The following SPMAP1 variants were observed in gnomAD, a reference collection of about 807,000 sequenced individuals.
SPMAP1 encodes uncharacterized protein C17orf98.
chr17:38,837,537 G>A, the SPMAP1 span, among the ~76,000 whole-genome samples: 2 of 152,010 alleles, frequency 1.3e-5, no homozygotes, highest in Admixed American at 6.6e-5. Flanking sequence ...AATTAGCTGG[G>A]CATGATGGCA....
At chr17:38,841,408 G>T in the SPMAP1 span, 1 of 1,611,932 alleles carries the variant, frequency 6.2e-7, no homozygotes, top group Admixed American at 1.7e-5. Context: ...CCGTAGCCTC[G>T]GAGGGCCTTT....
At chr17:38,840,829 G>A in the SPMAP1 span, among the ~76,000 whole-genome samples, 1 of 150,832 alleles carries the variant, frequency 6.6e-6, no homozygotes, top group East Asian at 1.9e-4. Context: ...GTAACATGGC[G>A]AAACCCCGTC....
the SPMAP1 span, among the ~76,000 whole-genome samples, chr17:38,836,303 A>T: frequency 1.3e-5 from 2 of 151,274 alleles, no homozygotes; most frequent in Non-Finnish European, 2.9e-5. Context: ...CCATGGGGTT[A>T]GTGTGAGGGT....
the SPMAP1 span, among the ~76,000 whole-genome samples, chr17:38,836,113 A>C: frequency 1.1e-4 from 17 of 151,876 alleles, no homozygotes; most frequent in African/African-American, 3.6e-4. Flanking sequence ...ACGGGGTTTC[A>C]CTATGTTAGC....
chr17:38,835,455 C>T, the SPMAP1 span: 1 of 1,174,542 alleles, frequency 8.5e-7, no homozygotes. Flanking sequence ...CACTTGCATT[C>T]CCCATGCTGA....
At chr17:38,841,341 A>T in the SPMAP1 span, 1 of 1,614,208 alleles carries the variant, frequency 6.2e-7, no homozygotes, top group Non-Finnish European at 8.5e-7. Flanking sequence ...ACCCCGTCCA[A>T]GATAAAGCCT....
chr17:38,841,088 C>T, the SPMAP1 span: 1 of 781,334 alleles, frequency 1.3e-6, no homozygotes, highest in Admixed American at 2.6e-5. Context: ...AGAAAGTAAA[C>T]CGAGGAGGTG....
At chr17:38,835,321 C>A in the SPMAP1 span, 2 of 1,614,150 alleles carry the variant, frequency 1.2e-6, no homozygotes, top group Non-Finnish European at 1.7e-6. Context: ...AGTGGTCATG[C>A]CCAGTCACCT....
the SPMAP1 span, chr17:38,835,295 T>C: frequency 6.2e-7 from 1 of 1,613,818 alleles, no homozygotes; most frequent in Non-Finnish European, 8.5e-7. Flanking sequence ...ATCGATCGGT[T>C]TCAGATCAGC....
the SPMAP1 span, chr17:38,841,049 T>A: frequency 1.6e-6 from 1 of 611,690 alleles, no homozygotes. Context: ...CTCAAAATAA[T>A]AATAATAAAT....
chr17:38,836,540 C>T, the SPMAP1 span, among the ~76,000 whole-genome samples: 10,346 of 150,656 alleles, frequency 0.069, 709 homozygotes, highest in East Asian at 0.37. Context: ...GTCAAGACTG[C>T]AGTGAGTAGT....
chr17:38,836,881 C>CATTTGTCCGTGCT, the SPMAP1 span, among the ~76,000 whole-genome samples: 1 of 151,778 alleles, frequency 6.6e-6, no homozygotes, highest in Admixed American at 6.6e-5. Context: ...AGGCGTGAGC[C>CATTTGTCCGTGCT]ACTGCACCTG....
the SPMAP1 span, chr17:38,837,198 T>G: frequency 1.2e-6 from 2 of 1,614,082 alleles, no homozygotes; most frequent in East Asian, 4.5e-5. Flanking sequence ...AAGATGTGGA[T>G]GTAGTCTACT....
At chr17:38,840,423 C>T in the SPMAP1 span, among the ~76,000 whole-genome samples, 4 of 152,016 alleles carry the variant, frequency 2.6e-5, no homozygotes, top group African/African-American at 9.7e-5. Flanking sequence ...TTGCAGAAAC[C>T]TGGAATGAGT....
chr17:38,835,248 G>A, the SPMAP1 span: 1 of 1,614,248 alleles, frequency 6.2e-7, no homozygotes, highest in Non-Finnish European at 8.5e-7. Context: ...CGGAGGGCTG[G>A]AGTGTTCCTG....
chr17:38,836,948 C>CA, the SPMAP1 span, among the ~76,000 whole-genome samples: 721 of 127,292 alleles, frequency 5.7e-3, no homozygotes, highest in Non-Finnish European at 5.6e-3. Context: ...GACCACGTCT[C>CA]AAAAAAAAAA....
chr17:38,840,620 A>G, the SPMAP1 span, among the ~76,000 whole-genome samples: 31 of 13,154 alleles, frequency 2.4e-3, no homozygotes, highest in African/African-American at 6.7e-3. Flanking sequence ...CTCTCTACAA[A>G]AAAAAAAAAA....
At chr17:38,837,163 G>GT in the SPMAP1 span, 1 of 1,613,462 alleles carries the variant, frequency 6.2e-7, no homozygotes. Context: ...AATTTCTCCT[G>GT]TTGAGGTATC....
the SPMAP1 span, among the ~76,000 whole-genome samples, chr17:38,839,272 G>T: frequency 6.6e-6 from 1 of 151,660 alleles, no homozygotes. Flanking sequence ...CACTTTGGGA[G>T]GCCGAGATGG....
Sources: gnomAD v4.1 joint callset for allele counts (sites outside exome capture counted in the v4.1 genomes callset) on GRCh38, gnomAD v4.1.1 for gene constraint, MANE v1.5 for transcripts, NCBI Gene and HGNC (gene_info 2026-07-23, HGNC 2026-07-21) for gene names.